Variants in CSGALNACT1 observed in about 807,000 individuals in gnomAD.
The protein encoded by CSGALNACT1 is beta4GalNAcT-1.
Under a neutral mutation model 51.0 loss-of-function variants are expected in CSGALNACT1, and 52 were observed. The ratio of observed to expected loss-of-function variants is 1.02; its 90% CI spans 0.82 to 1.29. The LOEUF is 1.29. Among genes scored for constraint, CSGALNACT1 ranks in the 50% most tolerant of loss-of-function variants. CSGALNACT1 has a pLI of 0.00. For missense variants in CSGALNACT1, 935 were observed against 679.2 expected (o/e 1.38, Z -4.19); for synonymous variants, 341 against 254.4 (o/e 1.34, Z -3.24).
chr8:19,410,226 C>T (rs978753537), intron 8 of CSGALNACT1, among the ~76,000 whole-genome samples: 1 of 152,192 alleles, frequency 6.6e-6, no homozygotes, highest in Non-Finnish European at 1.5e-5. Flanking sequence ...AGCAAGTATT[C>T]TCAAGTTCTA....
At chr8:19,673,452 T>C (rs923768) in intron 1 of CSGALNACT1, among the ~76,000 whole-genome samples, 69,758 of 152,108 alleles carry the variant, frequency 0.46, 16,526 homozygotes, top group Middle Eastern at 0.55. Context: ...ACGGCAGGGA[T>C]AATGAGACCA....
chr8:19,510,857 G>A (rs774295739), intron 3 of CSGALNACT1, among the ~76,000 whole-genome samples: 12 of 152,214 alleles, frequency 7.9e-5, no homozygotes, highest in African/African-American at 2.7e-4. Context: ...AGGCAGGTCA[G>A]GTTTGTTTCA....
At chr8:19,628,859 G>A (rs2054820320) in intron 1 of CSGALNACT1, among the ~76,000 whole-genome samples, 1 of 152,020 alleles carries the variant, frequency 6.6e-6, no homozygotes, top group Admixed American at 6.5e-5. Flanking sequence ...ACAATATGGG[G>A]GGAGGAAAAG....
intron 1 of CSGALNACT1, among the ~76,000 whole-genome samples, chr8:19,620,141 C>T (rs1199306056): frequency 6.6e-6 from 1 of 151,746 alleles, no homozygotes; most frequent in Non-Finnish European, 1.5e-5. Context: ...GGGGAAACCC[C>T]GTCTCTACTA....
chr8:19,695,830 A>T (rs1467525753), intron 1 of CSGALNACT1, among the ~76,000 whole-genome samples: 1 of 152,178 alleles, frequency 6.6e-6, no homozygotes, highest in African/African-American at 2.4e-5. Flanking sequence ...ATTTTGTAAT[A>T]TTTCTAAATG....
At chr8:19,458,823 T>C (rs1786263186) in intron 4 of CSGALNACT1, among the ~76,000 whole-genome samples, 181 bp from the exon 4 acceptor site, 1 of 152,124 alleles carries the variant, frequency 6.6e-6, no homozygotes, top group Non-Finnish European at 1.5e-5. Flanking sequence ...CAAAATAGCA[T>C]GAATTTTAAA....
intron 1 of CSGALNACT1, among the ~76,000 whole-genome samples, chr8:19,655,314 G>C (rs1333465137): frequency 6.6e-6 from 1 of 152,086 alleles, no homozygotes; most frequent in African/African-American, 2.4e-5. Context: ...CACTCTGACA[G>C]TCTTTCTCAA....
At chr8:19,679,164 A>C (rs2060410692) in intron 1 of CSGALNACT1, among the ~76,000 whole-genome samples, 1 of 152,164 alleles carries the variant, frequency 6.6e-6, no homozygotes, top group South Asian at 2.1e-4. Context: ...AGCCATAAGA[A>C]ACTTCCTCTT....
chr8:19,502,640 G>T (rs745482095), intron 4 of CSGALNACT1, among the ~76,000 whole-genome samples: 1 of 152,114 alleles, frequency 6.6e-6, no homozygotes, highest in Non-Finnish European at 1.5e-5. Context: ...CTCAACCATG[G>T]ATTACTGAAA....
intron 4 of CSGALNACT1, among the ~76,000 whole-genome samples, chr8:19,479,933 G>C (rs775114389): frequency 6.6e-6 from 1 of 152,076 alleles, no homozygotes; most frequent in Non-Finnish European, 1.5e-5. Context: ...AAACCCAAGT[G>C]TGATATAAAT....
intron 8 of CSGALNACT1, among the ~76,000 whole-genome samples, chr8:19,408,977 C>CACAA (rs1319492249): frequency 1.3e-5 from 2 of 151,672 alleles, no homozygotes; most frequent in Non-Finnish European, 2.9e-5. Flanking sequence ...CACACACACA[C>CACAA]AATCAAAAAC....
At chr8:19,558,917 TTAGC>T (rs1274817432) in intron 3 of CSGALNACT1, among the ~76,000 whole-genome samples, 4 of 152,072 alleles carry the variant, frequency 2.6e-5, no homozygotes, top group African/African-American at 7.2e-5. Context: ...TTTCTCATTA[TTAGC>T]TAAACTGGAA....
intron 3 of CSGALNACT1, among the ~76,000 whole-genome samples, chr8:19,570,794 G>A (rs1432806640): frequency 6.6e-6 from 1 of 152,068 alleles, no homozygotes; most frequent in African/African-American, 2.4e-5. Context: ...CAGCTACTTG[G>A]GAGGCTGAAG....
chr8:19,696,737 T>G (rs28680503), intron 1 of CSGALNACT1, among the ~76,000 whole-genome samples: 39,151 of 152,022 alleles, frequency 0.26, 5,233 homozygotes, highest in Admixed American at 0.32. Flanking sequence ...GTTGCAAGGC[T>G]TCAGCACACA....
chr8:19,597,752 A>G (rs532240680), intron 2 of CSGALNACT1, among the ~76,000 whole-genome samples: 1 of 152,354 alleles, frequency 6.6e-6, no homozygotes, highest in East Asian at 1.9e-4. Context: ...AAATGATGAT[A>G]ACATTGCTAG....
intron 2 of CSGALNACT1, among the ~76,000 whole-genome samples, chr8:19,596,930 T>C (rs1234605639): frequency 3.3e-5 from 5 of 152,244 alleles, no homozygotes; most frequent in African/African-American, 1.2e-4. Context: ...TTCACTGTTA[T>C]GCAACCAAAC....
chr8:19,443,591 A>T (rs1319780841), intron 5 of CSGALNACT1, among the ~76,000 whole-genome samples: 2 of 152,176 alleles, frequency 1.3e-5, no homozygotes, highest in Admixed American at 6.5e-5. Flanking sequence ...CCCATTTATA[A>T]AACCATCAGA....
intron 3 of CSGALNACT1, among the ~76,000 whole-genome samples, chr8:19,563,684 AG>A (rs2041292649): frequency 6.6e-6 from 1 of 152,092 alleles, no homozygotes; most frequent in Admixed American, 6.6e-5. Flanking sequence ...TAGCTTTCTA[AG>A]CAGTCTCCAC....
At chr8:19,419,703 G>T (rs1397751446) in intron 7 of CSGALNACT1, among the ~76,000 whole-genome samples, 1 of 152,180 alleles carries the variant, frequency 6.6e-6, no homozygotes. Context: ...TCCTGGGAAT[G>T]TTCATGAAAG....
Sources: gnomAD v4.1 joint callset for allele counts (sites outside exome capture counted in the v4.1 genomes callset) on GRCh38, gnomAD v4.1.1 for gene constraint, MANE v1.5 for transcripts, NCBI Gene and HGNC (gene_info 2026-07-23, HGNC 2026-07-21) for gene names.